CCM2: variants seen among roughly 807,000 people sequenced by gnomAD.
The protein encoded by CCM2 is cerebral cavernous malformations 2 protein.
Under a neutral mutation model 44.9 loss-of-function variants are expected in CCM2, and 25 were observed. The ratio of observed to expected loss-of-function variants is 0.56; its 90% CI spans 0.41 to 0.78. The LOEUF (loss-of-function observed/expected upper bound fraction) is 0.78. CCM2 is among the 30% of genes least tolerant of loss of function. CCM2 has a pLI of 0.00. For missense variants in CCM2, 481 were observed against 580.6 expected (o/e 0.83, Z 1.76); for synonymous variants, 219 against 241.1 (o/e 0.91, Z 0.85).
intron 2 of CCM2, among the ~76,000 whole-genome samples, chr7:45,040,983 C>T (rs1278116311): frequency 6.6e-6 from 1 of 152,072 alleles, no homozygotes; most frequent in African/African-American, 2.4e-5. Flanking sequence ...GCGTGAGACG[C>T]GGTCTTCAAA....
chr7:45,027,697 A>G (rs942032703), intron 1 of CCM2: 1 of 1,614,082 alleles, frequency 6.2e-7, no homozygotes, highest in Non-Finnish European at 8.5e-7. Context: ...TTCAGAAGTG[A>G]GTAGAGAATG....
chr7:45,072,998 C>A, intron 7 of CCM2: 1 of 649,302 alleles, frequency 1.5e-6, no homozygotes, highest in South Asian at 1.7e-5. Context: ...CTTGTCTCTC[C>A]CTGCCTACCT....
chr7:45,073,340 C>T (rs1799176221), intron 7 of CCM2, 120 bp from the exon 8 acceptor site: 3 of 713,476 alleles, frequency 4.2e-6, no homozygotes, highest in Non-Finnish European at 7.5e-6. Flanking sequence ...ATCATCATCA[C>T]TTACATTCCT....
intron 2 of CCM2, among the ~76,000 whole-genome samples, chr7:45,044,968 C>T (rs944230213): frequency 6.6e-6 from 1 of 152,142 alleles, no homozygotes; most frequent in African/African-American, 2.4e-5. Flanking sequence ...TTTTACAAAA[C>T]TAGTTTGGAT....
Position 45,005,413 on chromosome 7 carries a change from C to T in CCM2, c.30+5050C>T, listed in dbSNP as rs900065813. Among the ~76,000 whole-genome samples, 4 of 152,364 alleles carry T rather than the reference C, an allele frequency of 2.6e-5. No individual in the cohort carries two copies. In the East Asian group the frequency reaches 7.7e-4, roughly 29 times the overall value. ...CAGAGGAAGATAGTGTAAAGCAAAA[C>T]GTTTCTCTTAGCAATATTATTGCAG... On this transcript the variant is annotated intron_variant, in intron 1 of 9. Transcript: ENST00000258781.
chr7:45,029,440 A>C (rs1229821700), intron 1 of CCM2: 2 of 152,152 alleles, frequency 1.3e-5, no homozygotes, highest in African/African-American at 4.8e-5. Flanking sequence ...TTCTTCCTTC[A>C]TAGACTTTTT....
At chr7:45,019,312 C>T (rs1261236528) in intron 1 of CCM2, among the ~76,000 whole-genome samples, 3 of 151,974 alleles carry the variant, frequency 2.0e-5, no homozygotes, top group Non-Finnish European at 2.9e-5. Flanking sequence ...TGGCCTCAAG[C>T]CATCCTCCTG....
chr7:45,032,350 G>A (rs941634003), intron 1 of CCM2, among the ~76,000 whole-genome samples: 6 of 152,060 alleles, frequency 3.9e-5, no homozygotes, highest in Admixed American at 3.3e-4. Flanking sequence ...CCTCTGAAGC[G>A]CCTTGGCATG....
intron 2 of CCM2, among the ~76,000 whole-genome samples, chr7:45,046,343 T>C (rs754690990): frequency 6.6e-6 from 1 of 152,206 alleles, no homozygotes; most frequent in Non-Finnish European, 1.5e-5. Context: ...CCTGTCTGAT[T>C]TCAAGATAGA....
intron 2 of CCM2, among the ~76,000 whole-genome samples, chr7:45,056,272 C>G (rs1042655160): frequency 6.6e-6 from 1 of 152,212 alleles, no homozygotes; most frequent in Non-Finnish European, 1.5e-5. Context: ...TTGCTTTTCA[C>G]AGGAGTATCA....
chr7:45,011,402 G>A lies in CCM2; in HGVS notation c.30+11039G>A, dbSNP rs143976769. Among the ~76,000 whole-genome samples the A allele has an allele frequency of 4.8e-3, 725 of 152,084 alleles. 39 individuals are homozygous for A. The East Asian group carries it at 0.12, about 26-fold the overall frequency. On this transcript the variant is annotated intron_variant, in intron 1 of 9. Transcript: ENST00000258781. Reference sequence around the variant, plus strand: ...AGTAGAGATGGGGTTTCACCATGTTGGCCGGGCTCCTCTCGAACTCCTGAC... The same window carrying A: ...AGTAGAGATGGGGTTTCACCATGTTAGCCGGGCTCCTCTCGAACTCCTGAC...
rs146957794 is a variant in CCM2 at position 45,013,957 on chromosome 7, C to T, written c.30+13594C>T. ...ATGTTGGTGATGTTAACTGTGGTTA[C>T]TTGGTTAAGATAGTCTTGCCAAGTT... is the stretch of plus-strand genomic sequence containing the variant. On this transcript the variant is annotated intron_variant, in intron 1 of 9. Coordinates refer to ENST00000258781, the MANE Select transcript of CCM2 (RefSeq NM_031443.4). Among the ~76,000 whole-genome samples, 94 of 152,198 alleles carry T rather than the reference C, an allele frequency of 6.2e-4. 2 individuals are homozygous for T. Among genetic ancestry groups the T allele is most frequent in the Admixed American group, 1.7e-3 (26 of 15,276 alleles).
intron 9 of CCM2, 142 bp from the exon 10 acceptor site, chr7:45,075,635 T>A: frequency 1.0e-6 from 1 of 977,232 alleles, no homozygotes; most frequent in Non-Finnish European, 1.6e-6. Flanking sequence ...GGATGCTAGA[T>A]GCAGTGAGCA....
chr7:45,027,514 C>T (rs774985343), intron 1 of CCM2: 1 of 971,016 alleles, frequency 1.0e-6, no homozygotes, highest in Non-Finnish European at 1.5e-6. Flanking sequence ...TTTGTGCATG[C>T]AGACTGTTTG....
intron 8 of CCM2, chr7:45,073,878 A>C: frequency 1.9e-6 from 1 of 531,408 alleles, no homozygotes; most frequent in Non-Finnish European, 3.4e-6. Flanking sequence ...AGACATTTTT[A>C]TCCTCCCCAT....
chr7:45,011,064 G>C (rs1796046244), intron 1 of CCM2, among the ~76,000 whole-genome samples: 1 of 152,102 alleles, frequency 6.6e-6, no homozygotes, highest in African/African-American at 2.4e-5. Context: ...TCCAGAGACA[G>C]GGTCTCATTC....
At chr7:45,045,253 T>C (rs1313136480) in intron 2 of CCM2, among the ~76,000 whole-genome samples, 1 of 152,238 alleles carries the variant, frequency 6.6e-6, no homozygotes, top group Non-Finnish European at 1.5e-5. Context: ...TGGTTTCCAT[T>C]CAGGCCCTGC....
chr7:45,040,224 A>G (rs1476966221), intron 2 of CCM2, among the ~76,000 whole-genome samples: 3 of 151,312 alleles, frequency 2.0e-5, no homozygotes, highest in African/African-American at 7.3e-5. Context: ...CTCTACTAAA[A>G]ATACAAAAAA....
At chr7:45,070,398 C>G (rs1422105148) in intron 6 of CCM2, 1 of 454,326 alleles carries the variant, frequency 2.2e-6, no homozygotes, top group Admixed American at 2.4e-5. Context: ...GGACCATGGC[C>G]AGACCCATGG....
Sources: gnomAD v4.1 joint callset for allele counts (sites outside exome capture counted in the v4.1 genomes callset) on GRCh38, gnomAD v4.1.1 for gene constraint, MANE v1.5 for transcripts, NCBI Gene and HGNC (gene_info 2026-07-23, HGNC 2026-07-21) for gene names.